The following IQGAP3 variants were observed in gnomAD, a reference collection of about 807,000 sequenced individuals.
IQGAP3 encodes the protein ras GTPase-activating-like protein IQGAP3.
Under a neutral mutation model 208.2 loss-of-function variants are expected in IQGAP3, and 165 were observed. The ratio of observed to expected loss-of-function variants is 0.79; its 90% CI spans 0.70 to 0.90. The LOEUF (loss-of-function observed/expected upper bound fraction) is 0.90. Among genes scored for constraint, IQGAP3 ranks in the 40% least tolerant of loss-of-function variants. The pLI is 0.00. For synonymous variants in IQGAP3, 703 were observed against 803.6 expected (o/e 0.87, Z 2.12); for missense variants, 1,811 against 2,043.1 (o/e 0.89, Z 2.19).
chr1:156,548,399 T>C lies in IQGAP3; in HGVS notation c.2082A>G (p.Gln694=), dbSNP rs765690961. The change falls in exon 18 of 38, where the codon CAA becomes CAG. Residue 694 remains glutamine (Q), a synonymous_variant. Coordinates refer to ENST00000361170, the MANE Select transcript of IQGAP3 (RefSeq NM_178229.5). ...HLQTFQGIWE[Q]PPGCPLNTSH... is the part of the protein sequence containing the mutation. Reference sequence around the variant, plus strand: ...AGGTGTTGAGGGGGCAGCCAGGAGGTTGCTCCCAGATCCCCTGGAAGGTCT... The same window carrying C: ...AGGTGTTGAGGGGGCAGCCAGGAGGCTGCTCCCAGATCCCCTGGAAGGTCT... 3.1e-6 allele frequency: 5 copies of C among 1,613,680 alleles called. No homozygotes were observed. The Admixed American group carries it at 8.3e-5, about 27-fold the overall frequency.
intron 21 of IQGAP3, 35 bp downstream of exon 21, chr1:156,544,117 G>C: frequency 6.2e-7 from 1 of 1,612,866 alleles, no homozygotes; most frequent in Non-Finnish European, 8.5e-7. Context: ...GGCAAAGGTT[G>C]GGTATGTGGG....
intron 5 of IQGAP3, 138 bp from the exon 6 acceptor site, chr1:156,563,962 C>A: frequency 1.5e-6 from 1 of 650,476 alleles, no homozygotes. Flanking sequence ...CATCCCCAAC[C>A]CACATAAAGA....
intron 1 of IQGAP3, among the ~76,000 whole-genome samples, chr1:156,571,494 G>A (rs1490878718): frequency 6.6e-6 from 1 of 152,132 alleles, no homozygotes; most frequent in Non-Finnish European, 1.5e-5. Context: ...TCCAAATACA[G>A]ATTTGAAAAC....
At chr1:156,567,010 G>A (rs775917001) in intron 2 of IQGAP3, among the ~76,000 whole-genome samples, 2 of 151,956 alleles carry the variant, frequency 1.3e-5, no homozygotes, top group Non-Finnish European at 2.9e-5. Flanking sequence ...TGGGATTACA[G>A]GCACACCCCA....
Position 156,561,990 on chromosome 1 carries a change from G to T in IQGAP3, c.889C>A (p.Leu297Ile). Reference protein sequence around the residue: ...NINHVNVHGALEVVDDALERQ... With the variant: ...NINHVNVHGAIEVVDDALERQ... The stretch of plus-strand genomic sequence containing the variant: ...TCCAGGGCATCATCAACAACTTCTA[G>T]AGCCCCATGGACTGAAAAAAAATGA... The change falls in exon 10 of 38, where the codon CTA (leucine) becomes ATA (isoleucine). Residue 297 changes from leucine (L) to isoleucine (I), a missense_variant. Transcript: ENST00000361170. The T allele has an allele frequency of 6.2e-7, 1 of 1,611,444 alleles. No homozygotes were observed. The highest frequency in any genetic ancestry group is 8.5e-7 in the Non-Finnish European group (1 of 1,178,926).
rs1225087976 is a variant in IQGAP3 at position 156,525,625 on chromosome 1, G to A, written c.*861C>T. ...GCTGAAATAACAAGATCTTAAACAT[G>A]AGTGAGAATCTGTTGCCCCAACCTA... is the stretch of plus-strand genomic sequence containing the variant. On this transcript the variant is annotated 3_prime_UTR_variant, in exon 38 of 38. Coordinates refer to ENST00000361170, the MANE Select transcript of IQGAP3 (RefSeq NM_178229.5). 3 of 148,046 alleles carry A rather than the reference G, an allele frequency of 2.0e-5. No individual in the cohort carries two copies. The highest frequency in any genetic ancestry group is 4.4e-5 in the Non-Finnish European group (3 of 67,452). The allele number at this position is 148,046 out of a possible 1,614,324, so 9.2% of individuals were successfully genotyped here.
At chr1:156,536,983 ACGCCGTCTCT>A (rs1319048243) in intron 27 of IQGAP3, 188 bp downstream of exon 27, 16 of 494,618 alleles carry the variant, frequency 3.2e-5, no homozygotes, top group Middle Eastern at 5.4e-4. Context: ...ACAGACTTGC[ACGCCGTCTCT>A]CAGCTCAGCT....
Position 156,569,390 on chromosome 1 carries a change from C to T in IQGAP3, c.111G>A (p.Leu37=), listed in dbSNP as rs1322521917. 11 of 1,613,002 alleles carry T rather than the reference C, an allele frequency of 6.8e-6. No homozygotes were observed. The highest frequency in any genetic ancestry group is 1.7e-5 in the Admixed American group (1 of 59,962). The change falls in exon 2 of 38, where the codon CTG becomes CTA. Residue 37 remains leucine, a synonymous_variant. Transcript: ENST00000361170. ...QNVAYQYLCR[L]EEAKRWMEAC... ...ACTCCGCTCACCGCTTGGCCTCCTC[C>T]AGCCGGCACAGGTACTGATAGGCAA...
intron 4 of IQGAP3, 37 bp downstream of exon 4, chr1:156,565,990 A>T: frequency 4.0e-6 from 6 of 1,483,034 alleles, no homozygotes; most frequent in Non-Finnish European, 5.7e-6. Flanking sequence ...GCTGGTAAGG[A>T]GTAAAGATGA....
At chr1:156,564,761 C>T (rs1322354276) in intron 4 of IQGAP3, 70 bp from the exon 5 acceptor site, 7 of 1,094,524 alleles carry the variant, frequency 6.4e-6, no homozygotes, top group Non-Finnish European at 9.9e-6. Context: ...AGAGGGGGTG[C>T]CGAGGAATGG....
chr1:156,540,972 A>G lies in IQGAP3; in HGVS notation c.2531-56T>C, dbSNP rs116475945. 2,005 of 1,462,660 alleles carry G rather than the reference A, an allele frequency of 1.4e-3. 24 individuals are homozygous for G. The African/African-American group carries it at 0.024, about 17-fold the overall frequency. 90.6% of individuals were successfully genotyped at this position (1,462,660 alleles called of 1,614,324 possible). A position where few individuals can be genotyped will look rare whatever the true frequency, so the allele number is the denominator to read the frequency against. On this transcript the variant is annotated intron_variant, in intron 22 of 37. Coordinates refer to ENST00000361170, the MANE Select transcript of IQGAP3 (RefSeq NM_178229.5). ...GCCATGCCTCATCAGAGGCCTCCTC[A>G]CCAGCCCCTGCCCGAGTCAGCCCAC...
rs768517691 is a variant in IQGAP3, at chr1:156,540,773, C to T, written c.2674G>A (p.Glu892Lys). The change falls in exon 23 of 38, where the codon GAG (glutamate) becomes AAG (lysine). Residue 892 changes from glutamate (E) to lysine (K), a missense_variant. By Grantham distance (56) the Glu-to-Lys change is moderately conservative (BLOSUM62 1). Transcript: ENST00000361170. ...ATGTCCATGATGTTGAGGTCCTGCTCCAGCTGCTGATTGGATCGGATCTTC... is the reference window on the plus strand; with the variant it reads ...ATGTCCATGATGTTGAGGTCCTGCTTCAGCTGCTGATTGGATCGGATCTTC... ...VRKIRSNQQL[E>K]QDLNIMDIKI... The T allele has an allele frequency of 6.2e-7, 1 of 1,614,132 alleles. No individual in the cohort carries two copies. Among genetic ancestry groups the T allele is most frequent in the Admixed American group, 1.7e-5 (1 of 60,026 alleles).
intron 15 of IQGAP3, 67 bp from the exon 16 acceptor site, chr1:156,550,418 A>G (rs1216493304): frequency 2.4e-6 from 3 of 1,256,956 alleles, no homozygotes; most frequent in Non-Finnish European, 3.4e-6. Context: ...CCAGGCCAAG[A>G]TGCCCAAGGG....
chr1:156,543,841 T>C, intron 22 of IQGAP3, 140 bp downstream of exon 22: 1 of 732,170 alleles, frequency 1.4e-6, no homozygotes, highest in South Asian at 1.7e-5. Context: ...TTACAACTCC[T>C]GTTCCATGCT....
intron 25 of IQGAP3, 85 bp from the exon 26 acceptor site, chr1:156,539,118 C>G: frequency 1.7e-6 from 2 of 1,204,472 alleles, no homozygotes; most frequent in Non-Finnish European, 2.4e-6. Flanking sequence ...TTTTGGCTCT[C>G]AAAGCCTGCC....
intron 9 of IQGAP3, among the ~76,000 whole-genome samples, chr1:156,562,325 C>T (rs1210326175): frequency 6.8e-6 from 1 of 147,852 alleles, no homozygotes; most frequent in Non-Finnish European, 1.5e-5. Flanking sequence ...CCCAGTCCAA[C>T]TGCCCCCCCG....
intron 19 of IQGAP3, among the ~76,000 whole-genome samples, chr1:156,545,341 C>T (rs1675189619): frequency 1.3e-5 from 2 of 152,124 alleles, no homozygotes; most frequent in Non-Finnish European, 2.9e-5. Context: ...CAGAAGTTCT[C>T]AACCATCTGA....
intron 1 of IQGAP3, among the ~76,000 whole-genome samples, chr1:156,570,835 T>C (rs1057020387): frequency 2.0e-5 from 3 of 152,222 alleles, no homozygotes; most frequent in Admixed American, 6.5e-5. Flanking sequence ...GAAAAACATC[T>C]GAATAAATTA....
chr1:156,528,243 CTT>C (rs1674201013), intron 36 of IQGAP3, among the ~76,000 whole-genome samples, 183 bp from the exon 37 acceptor site: 1 of 152,190 alleles, frequency 6.6e-6, no homozygotes, highest in Non-Finnish European at 1.5e-5. Context: ...CACACCATCT[CTT>C]TATCTGCCCC....
Sources: allele counts gnomAD v4.1 joint callset (sites outside exome capture counted in the v4.1 genomes callset), GRCh38; gene constraint gnomAD v4.1.1; transcripts MANE v1.5; gene names NCBI Gene and HGNC (gene_info 2026-07-23, HGNC 2026-07-21).